Variants in NRF1 observed in about 807,000 individuals in gnomAD.
NRF1 encodes alpha palindromic-binding protein.
NRF1 carries 5 observed loss-of-function variants against 58.5 expected under a neutral mutation model. The ratio of observed to expected loss-of-function variants is 0.09; its 90% confidence interval spans 0.04 to 0.18. The LOEUF (loss-of-function observed/expected upper bound fraction) is 0.18. Among genes scored for constraint, NRF1 ranks in the 10% least tolerant of loss-of-function variants. The pLI, the probability that NRF1 is intolerant of heterozygous loss-of-function variation, is 1.00. For synonymous variants in NRF1, 224 were observed against 246.7 expected, an observed-to-expected ratio of 0.91 and a Z score of 0.86; for missense variants, 288 against 657.7, an observed-to-expected ratio of 0.44 and a Z score of 6.15.
At chr7:129,651,247 C>T (rs1182625517) in intron 1 of NRF1, among the ~76,000 whole-genome samples, 1 of 151,970 alleles carries the variant, frequency 6.6e-6, no homozygotes, top group African/African-American at 2.4e-5. Flanking sequence ...TATGGTAAAA[C>T]CCCGTCTCTG....
At chr7:129,738,363 G>C (rs760576293) in intron 10 of NRF1, among the ~76,000 whole-genome samples, 30 of 152,320 alleles carry the variant, frequency 2.0e-4, no homozygotes, top group Middle Eastern at 3.4e-3. Context: ...GGCTTTTCCT[G>C]GGAACTGTAT....
chr7:129,690,210 A>C (rs559311516), intron 4 of NRF1, among the ~76,000 whole-genome samples, 196 bp from the exon 5 acceptor site: 2 of 152,218 alleles, frequency 1.3e-5, no homozygotes, highest in African/African-American at 2.4e-5. Context: ...CTGCAATTTC[A>C]TCATCTTTTC....
At chr7:129,696,200 T>C (rs1362184476) in intron 5 of NRF1, among the ~76,000 whole-genome samples, 2 of 151,670 alleles carry the variant, frequency 1.3e-5, no homozygotes, top group African/African-American at 4.8e-5. Flanking sequence ...GCCGAGATCA[T>C]GCCATCGCAC....
At chr7:129,672,665 G>C (rs780421958) in intron 3 of NRF1, among the ~76,000 whole-genome samples, 1 of 152,260 alleles carries the variant, frequency 6.6e-6, no homozygotes, top group African/African-American at 2.4e-5. Flanking sequence ...TGAGAGAAAG[G>C]AGTGCTGGGT....
intron 10 of NRF1, among the ~76,000 whole-genome samples, chr7:129,742,922 C>T (rs889878927): frequency 1.3e-5 from 2 of 152,190 alleles, no homozygotes; most frequent in Non-Finnish European, 2.9e-5. Flanking sequence ...TCAAACAGAA[C>T]GTGCCCATCA....
chr7:129,741,168 C>T lies in NRF1; in HGVS notation c.1348+13803C>T, dbSNP rs1056973056. Among the ~76,000 whole-genome samples the T allele has an allele frequency of 2.6e-5, 4 of 152,164 alleles. No homozygotes were observed. The highest frequency in any genetic ancestry group is 9.7e-5 in the African/African-American group (4 of 41,422). On this transcript the variant is annotated intron_variant, in intron 10 of 10. Transcript: ENST00000393232. This position sits in a 1 kb window ranked among gnomAD's most constrained non-coding sequence, Gnocchi z 4.0. The stretch of plus-strand genomic sequence containing the variant: ...CTTGGGGAAACTCAATGAGCCAGCA[C>T]ACCATCCTATGAACAGAACACCAAT...
At chr7:129,740,795 C>T (rs932690903) in intron 10 of NRF1, among the ~76,000 whole-genome samples, 15 of 152,108 alleles carry the variant, frequency 9.9e-5, no homozygotes, top group East Asian at 5.8e-4. Flanking sequence ...GGGGTGGCCT[C>T]GGGCATTCAT....
At chr7:129,751,255 G>GAAC (rs1804108782) in intron 10 of NRF1, among the ~76,000 whole-genome samples, 1 of 152,236 alleles carries the variant, frequency 6.6e-6, no homozygotes, top group South Asian at 2.1e-4. Flanking sequence ...AGGCTTAACT[G>GAAC]AACAACAGTG....
intron 10 of NRF1, among the ~76,000 whole-genome samples, chr7:129,734,791 A>G (rs1198128296): frequency 1.3e-5 from 2 of 152,226 alleles, no homozygotes; most frequent in Non-Finnish European, 2.9e-5. Flanking sequence ...ATTTAGAGCC[A>G]GGGAAACTAA....
intron 10 of NRF1, among the ~76,000 whole-genome samples, chr7:129,742,430 A>G (rs1803871010): frequency 6.6e-6 from 1 of 152,172 alleles, no homozygotes; most frequent in African/African-American, 2.4e-5. Context: ...AGAGGCGTCC[A>G]GCAGTCTTCC....
At chr7:129,671,392 C>CA (rs773600847) in intron 2 of NRF1, 37 bp from the exon 3 acceptor site, 1 of 1,326,110 alleles carries the variant, frequency 7.5e-7, no homozygotes, top group South Asian at 1.2e-5. Context: ...AGTTTACAGG[C>CA]AGCTGCCTAA....
intron 1 of NRF1, among the ~76,000 whole-genome samples, chr7:129,617,806 C>G (rs1800687825): frequency 1.3e-5 from 2 of 152,010 alleles, no homozygotes; most frequent in South Asian, 4.2e-4. Context: ...TTGAGTAGGA[C>G]TTGGAAGGGG....
chr7:129,635,647 C>A (rs903233900), intron 1 of NRF1, among the ~76,000 whole-genome samples: 2 of 152,148 alleles, frequency 1.3e-5, no homozygotes, highest in Non-Finnish European at 2.9e-5. Flanking sequence ...TTCAGACTCT[C>A]CTGGGGTGGA....
intron 4 of NRF1, among the ~76,000 whole-genome samples, chr7:129,686,955 A>G (rs776610532): frequency 1.3e-5 from 2 of 152,214 alleles, no homozygotes; most frequent in Non-Finnish European, 2.9e-5. Context: ...TGTTGACACA[A>G]TGCTATCACT....
intron 4 of NRF1, among the ~76,000 whole-genome samples, chr7:129,682,181 G>T (rs1352835383): frequency 6.6e-6 from 1 of 151,202 alleles, no homozygotes; most frequent in Non-Finnish European, 1.5e-5. Flanking sequence ...CCACCATGGG[G>T]GGGCATGGTG....
intron 1 of NRF1, among the ~76,000 whole-genome samples, chr7:129,616,459 G>A (rs1297023199): frequency 1.3e-5 from 2 of 152,190 alleles, no homozygotes; most frequent in Non-Finnish European, 1.5e-5. Flanking sequence ...AACTAGCTGG[G>A]TATGGTGGCA....
intron 9 of NRF1, among the ~76,000 whole-genome samples, chr7:129,721,334 T>A (rs1049364182): frequency 6.6e-6 from 1 of 152,182 alleles, no homozygotes; most frequent in African/African-American, 2.4e-5. Context: ...ATTGTGTGTC[T>A]ACTGTGTGCA....
intron 9 of NRF1, among the ~76,000 whole-genome samples, chr7:129,719,542 AC>A (rs1321705051): frequency 2.1e-5 from 3 of 140,196 alleles, no homozygotes; most frequent in Admixed American, 7.2e-5. Flanking sequence ...ACACACACAC[AC>A]AACACATCTT....
chr7:129,649,431 A>G (rs1229910983), intron 1 of NRF1, among the ~76,000 whole-genome samples: 4 of 152,012 alleles, frequency 2.6e-5, no homozygotes, highest in African/African-American at 4.8e-5. Flanking sequence ...TTTCTTTTAC[A>G]TTTAGTTACA....
Sources: gnomAD v4.1 joint callset for allele counts (sites outside exome capture counted in the v4.1 genomes callset) on GRCh38, gnomAD v4.1.1 for gene constraint, Gnocchi (gnomAD v3.1) non-coding constraint, MANE v1.5 for transcripts, NCBI Gene and HGNC (gene_info 2026-07-23, HGNC 2026-07-21) for gene names.